The following PSMA2 variants were observed in gnomAD, a reference collection of about 807,000 sequenced individuals.
The protein encoded by PSMA2 is proteasome subunit alpha type-2.
In PSMA2, 2 loss-of-function variants were observed where a neutral mutation model predicts 35.9. The ratio of observed to expected loss-of-function variants is 0.06; its 90% CI spans 0.02 to 0.18. The LOEUF (loss-of-function observed/expected upper bound fraction) is 0.18, where lower values mean the gene tolerates loss of function less well. Among genes scored for constraint, PSMA2 ranks in the 10% least tolerant of loss-of-function variants. The pLI, the probability that PSMA2 is intolerant of heterozygous loss-of-function variation, is 1.00. For synonymous variants in PSMA2, 97 were observed against 98.2 expected (o/e 0.99, Z 0.07); for missense variants, 126 against 278.8 (o/e 0.45, Z 3.90).
chr7:42,925,449 ACTC>A (rs768497174), intron 3 of PSMA2, among the ~76,000 whole-genome samples: 1 of 151,884 alleles, frequency 6.6e-6, no homozygotes, highest in Non-Finnish European at 1.5e-5. Flanking sequence ...AGAGTACATA[ACTC>A]CTCTTTTCTC....
At chr7:42,928,031 C>T (rs1195839555) in intron 1 of PSMA2, among the ~76,000 whole-genome samples, 1 of 152,204 alleles carries the variant, frequency 6.6e-6, no homozygotes, top group African/African-American at 2.4e-5. Context: ...AGTGGTATTA[C>T]TGTTGCTTCT....
At chr7:42,922,439 T>C (rs375840458) in intron 5 of PSMA2, among the ~76,000 whole-genome samples, 145 of 152,060 alleles carry the variant, frequency 9.5e-4, no homozygotes, top group African/African-American at 3.4e-3. Flanking sequence ...AGAAACATAA[T>C]CCAATATGTT....
intron 1 of PSMA2, among the ~76,000 whole-genome samples, chr7:42,930,404 C>T (rs935203545): frequency 1.3e-5 from 2 of 152,110 alleles, no homozygotes; most frequent in South Asian, 2.1e-4. Context: ...GGATTACAGG[C>T]ACATGCCTGG....
At chr7:42,925,352 A>C (rs1459931876) in intron 3 of PSMA2, among the ~76,000 whole-genome samples, 1 of 152,244 alleles carries the variant, frequency 6.6e-6, no homozygotes, top group Non-Finnish European at 1.5e-5. Flanking sequence ...CAGGAAGATC[A>C]CTTGAGGCCA....
chr7:42,924,593 C>T, intron 4 of PSMA2, 82 bp downstream of exon 4: 3 of 1,367,274 alleles, frequency 2.2e-6, no homozygotes, highest in Non-Finnish European at 9.9e-7. Flanking sequence ...AATGGTAAGT[C>T]CCACTCTATT....
chr7:42,919,481 T>G (rs1378152490), intron 6 of PSMA2: 1 of 524,310 alleles, frequency 1.9e-6, no homozygotes, highest in Non-Finnish European at 3.8e-6. Flanking sequence ...GCTCTGATAT[T>G]AAAAAGGCCC....
chr7:42,924,746 G>GTACACAAGA lies in PSMA2; in HGVS notation c.294_302dup (p.Leu99_Tyr101dup). 1 of 1,613,262 alleles carries GTACACAAGA rather than the reference G, an allele frequency of 6.2e-7. No homozygotes were observed. On this transcript the variant is annotated inframe_insertion, in exon 4 of 8. Coordinates refer to ENST00000223321, the MANE Select transcript of PSMA2 (RefSeq NM_002787.5). ...GCTGAGCTGTAGGAATGGGTTCTTG[G>GTACACAAGA]TACACAAGATAGTATTGTTGAGCTA...
chr7:42,927,307 A>G, intron 2 of PSMA2, 76 bp downstream of exon 2: 1 of 1,317,944 alleles, frequency 7.6e-7, no homozygotes, highest in Non-Finnish European at 1.1e-6. Context: ...CTCTGTATAA[A>G]TTAATTACTA....
chr7:42,924,373 A>G (rs894239259), intron 4 of PSMA2, among the ~76,000 whole-genome samples: 7 of 151,374 alleles, frequency 4.6e-5, no homozygotes, highest in South Asian at 2.1e-4. Context: ...AAAAAAAAAA[A>G]AAAAAAGAAA....
At chr7:42,932,023 GA>G in intron 1 of PSMA2, 94 bp downstream of exon 1, 1 of 1,515,960 alleles carries the variant, frequency 6.6e-7, no homozygotes, top group Admixed American at 1.7e-5. Context: ...GGACCCTCCA[GA>G]AGCACCAATG....
chr7:42,916,903 C>G lies in PSMA2; in HGVS notation c.*671G>C, dbSNP rs2128673076. ...TAGCATTTTATTTCAAGCACTTATG[C>G]TCATCCTTGAGTTTAAAAAGTCTAA... On this transcript the variant is annotated 3_prime_UTR_variant, in exon 8 of 8. Transcript: ENST00000223321. 6.6e-6 allele frequency: 1 copy of G among 152,302 alleles called. No homozygotes were observed. Among genetic ancestry groups the G allele is most frequent in the South Asian group, 2.1e-4 (1 of 4,828 alleles). The allele number at this position is 152,302 out of a possible 1,614,324, so 9.4% of individuals were successfully genotyped here.
intron 1 of PSMA2, among the ~76,000 whole-genome samples, chr7:42,929,746 C>T (rs1174736020): frequency 3.3e-5 from 5 of 152,328 alleles, no homozygotes; most frequent in East Asian, 3.9e-4. Context: ...AAGTCCTACA[C>T]GATTAGCCCT....
chr7:42,919,248 G>A (rs652130), intron 6 of PSMA2: 522,067 of 610,578 alleles, frequency 0.86, 224,816 homozygotes, highest in South Asian at 0.91. Flanking sequence ...ATGCAACACT[G>A]AATAAGGATG....
intron 1 of PSMA2, among the ~76,000 whole-genome samples, chr7:42,930,248 CAA>C (rs1184518188): frequency 6.2e-5 from 8 of 129,830 alleles, no homozygotes; most frequent in African/African-American, 8.8e-5. Context: ...CACACACACA[CAA>C]GTTTGGTTTT....
intron 1 of PSMA2, among the ~76,000 whole-genome samples, chr7:42,929,061 C>T (rs1047875543): frequency 1.9e-4 from 29 of 152,032 alleles, no homozygotes; most frequent in Admixed American, 6.6e-5. Flanking sequence ...ATCCTCCTGC[C>T]TCGGTCTCTT....
chr7:42,919,623 T>C (rs765941473), intron 6 of PSMA2: 5 of 562,076 alleles, frequency 8.9e-6, no homozygotes, highest in Non-Finnish European at 1.7e-5. Context: ...AATATATTTC[T>C]GAGGGAGAGA....
intron 1 of PSMA2, among the ~76,000 whole-genome samples, chr7:42,927,952 G>T (rs1277526789): frequency 6.6e-6 from 1 of 151,810 alleles, no homozygotes; most frequent in East Asian, 1.9e-4. Context: ...AAGTTTACAA[G>T]GCAATTGGAA....
intron 6 of PSMA2, chr7:42,919,798 A>G: frequency 1.5e-6 from 1 of 683,660 alleles, no homozygotes; most frequent in South Asian, 1.5e-5. Flanking sequence ...AAGTATGATG[A>G]TAATAGTGGA....
chr7:42,932,123 T>G lies in PSMA2; in HGVS notation c.36A>C (p.Thr12=), dbSNP rs748999370. 8.3e-5 allele frequency: 134 copies of G among 1,614,040 alleles called. No individual in the cohort carries two copies. Among genetic ancestry groups the G allele is most frequent in the Non-Finnish European group, 1.0e-4 (123 of 1,180,034 alleles). ...AERGYSFSLT[T]FSPSGKLVQI... Reference sequence around the variant, plus strand: ...CTCGAGGGCCCCTTCCATACCTGAATGTAGTCAGCGAAAAGCTGTACCCGC... The same window carrying G: ...CTCGAGGGCCCCTTCCATACCTGAAGGTAGTCAGCGAAAAGCTGTACCCGC... The change falls in exon 1 of 8, where the codon ACA becomes ACC. Residue 12 remains threonine, a synonymous_variant. Coordinates refer to ENST00000223321, the MANE Select transcript of PSMA2 (RefSeq NM_002787.5).
Sources: allele counts gnomAD v4.1 joint callset (sites outside exome capture counted in the v4.1 genomes callset), GRCh38; gene constraint gnomAD v4.1.1; transcripts MANE v1.5; gene names NCBI Gene and HGNC (gene_info 2026-07-23, HGNC 2026-07-21).